The following NRG2 variants were observed in gnomAD, a reference collection of about 807,000 sequenced individuals.
NRG2 encodes the protein pro-neuregulin-2, membrane-bound isoform.
In NRG2, 27 loss-of-function variants were observed where a neutral mutation model predicts 73.9. The ratio of observed to expected loss-of-function variants is 0.37; its 90% CI spans 0.27 to 0.50. The LOEUF is 0.50. Ranked by LOEUF, NRG2 falls within the 20% of genes least tolerant of loss-of-function variation. The pLI is 0.96. For synonymous variants in NRG2, 532 were observed against 541.0 expected (o/e 0.98, Z 0.23); for missense variants, 1,126 against 1,210.1 (o/e 0.93, Z 1.03).
rs1754435727 is a variant in NRG2 at position 139,954,075 on chromosome 5, GAA to G, written c.701-66566_701-66565del. On this transcript the variant is annotated intron_variant, in intron 1 of 9. Transcript: ENST00000361474. The surrounding 1 kb of genome is among the most constrained non-coding windows in gnomAD (Gnocchi z 5.0). ...CAGGGTGTGGGGGTGGCTGGAAGCT[GAA>G]AAAAAGAGACCCAGGGAGGGGTGGG... Among the ~76,000 whole-genome samples, 1 of 152,066 alleles carries G rather than the reference GAA, an allele frequency of 6.6e-6. No homozygotes were observed. Among genetic ancestry groups the G allele is most frequent in the African/African-American group, 2.4e-5 (1 of 41,504 alleles).
At chr5:139,944,164 T>TA (rs34819431) in intron 1 of NRG2, among the ~76,000 whole-genome samples, 26 of 150,018 alleles carry the variant, frequency 1.7e-4, no homozygotes, top group African/African-American at 5.1e-4. Context: ...ATACGATCTT[T>TA]AAAAAAAAAA....
chr5:140,033,222 A>C (rs1761277214), intron 1 of NRG2, among the ~76,000 whole-genome samples: 1 of 152,166 alleles, frequency 6.6e-6, no homozygotes, highest in African/African-American at 2.4e-5. Flanking sequence ...GAAACCCCCA[A>C]ATCAAAGCAG....
intron 1 of NRG2, among the ~76,000 whole-genome samples, chr5:139,900,212 A>G (rs945663119): frequency 1.2e-4 from 18 of 152,246 alleles, no homozygotes; most frequent in African/African-American, 4.1e-4. Context: ...TTGCACATTT[A>G]TCTCTGGTCT....
intron 3 of NRG2, among the ~76,000 whole-genome samples, chr5:139,873,343 T>G (rs1762978527): frequency 6.6e-6 from 1 of 152,174 alleles, no homozygotes; most frequent in Admixed American, 6.5e-5. Context: ...GCCCCACTTC[T>G]GGGTCAGTGA....
chr5:140,015,385 C>T (rs1226338446), intron 1 of NRG2, among the ~76,000 whole-genome samples: 1 of 152,060 alleles, frequency 6.6e-6, no homozygotes, highest in Non-Finnish European at 1.5e-5. Flanking sequence ...TAGATGCCTA[C>T]AAAATATCTT....
chr5:139,905,321 C>G (rs1311027507), intron 1 of NRG2, among the ~76,000 whole-genome samples: 2 of 152,224 alleles, frequency 1.3e-5, no homozygotes, highest in South Asian at 2.1e-4. Context: ...AGCAAAGGCT[C>G]TCCCTCTTCT....
intron 1 of NRG2, among the ~76,000 whole-genome samples, chr5:140,000,422 T>A (rs916843914): frequency 6.6e-6 from 1 of 152,180 alleles, no homozygotes; most frequent in African/African-American, 2.4e-5. Flanking sequence ...CTCTAGCCAC[T>A]CCAAGGACTT....
chr5:139,944,708 T>C (rs1056380873), intron 1 of NRG2, among the ~76,000 whole-genome samples: 1 of 152,220 alleles, frequency 6.6e-6, no homozygotes, highest in Non-Finnish European at 1.5e-5. Context: ...TGAACAGTGC[T>C]GTAATCAGCA....
At chr5:139,927,970 T>G (rs1752189930) in intron 1 of NRG2, among the ~76,000 whole-genome samples, 1 of 151,878 alleles carries the variant, frequency 6.6e-6, no homozygotes, top group Non-Finnish European at 1.5e-5. Context: ...CAGAGATGGG[T>G]GCTAGGCCCT....
At chr5:139,956,002 G>A (rs1754595614) in intron 1 of NRG2, among the ~76,000 whole-genome samples, 2 of 152,200 alleles carry the variant, frequency 1.3e-5, no homozygotes, top group Admixed American at 6.5e-5. Flanking sequence ...CTGCAAAGGT[G>A]AGCTCTCTCC....
chr5:139,984,010 A>G lies in NRG2; in HGVS notation c.700+58360T>C, dbSNP rs576974959. The stretch of plus-strand genomic sequence containing the variant: ...CATTCACAGAAATGTCTCAACTGCA[A>G]TGGGCATGCAAGAATTTACATTAAT... On this transcript the variant is annotated intron_variant, in intron 1 of 9. Coordinates refer to ENST00000361474, the MANE Select transcript of NRG2 (RefSeq NM_004883.3). Among the ~76,000 whole-genome samples, 72 of 152,342 alleles carry G rather than the reference A, an allele frequency of 4.7e-4. 1 individual carries two copies. The highest frequency in any genetic ancestry group is 5.0e-4 in the Non-Finnish European group (34 of 68,026).
chr5:140,004,141 C>T (rs1359929454), intron 1 of NRG2, among the ~76,000 whole-genome samples: 2 of 152,168 alleles, frequency 1.3e-5, no homozygotes, highest in Non-Finnish European at 2.9e-5. Context: ...GAAACTAATA[C>T]ACACAAGTAT....
chr5:139,926,976 C>G (rs145101060), intron 1 of NRG2, among the ~76,000 whole-genome samples: 17 of 152,212 alleles, frequency 1.1e-4, no homozygotes, highest in Admixed American at 9.8e-4. Context: ...TCCAACCAGA[C>G]CTTCTGCCAG....
At chr5:139,850,958 G>A (rs1463289216) in intron 9 of NRG2, among the ~76,000 whole-genome samples, 4 of 150,982 alleles carry the variant, frequency 2.6e-5, no homozygotes, top group African/African-American at 9.7e-5. Flanking sequence ...ATGTATCCTG[G>A]TTTGTCCAGA....
chr5:139,917,033 A>G (rs996275317), intron 1 of NRG2, among the ~76,000 whole-genome samples: 2 of 152,236 alleles, frequency 1.3e-5, no homozygotes, highest in African/African-American at 4.8e-5. Context: ...CATTCCCACC[A>G]GCAGTGTATG....
chr5:140,042,946 C>T lies in NRG2; in HGVS notation c.124G>A (p.Glu42Lys), dbSNP rs1762067263. 2.6e-6 allele frequency: 4 copies of T among 1,532,792 alleles called. No individual in the cohort carries two copies. Among genetic ancestry groups the T allele is most frequent in the Non-Finnish European group, 2.6e-6 (3 of 1,138,922 alleles). 94.9% of individuals were successfully genotyped at this position (1,532,792 alleles called of 1,614,324 possible). A position where few individuals can be genotyped will look rare whatever the true frequency, so the allele number is the denominator to read the frequency against. ...RSSSSSSSSS[E>K]SGSSSRSSSN... is the part of the protein sequence containing the mutation. ...CTGCTCCTGCTGCTGCTGCCGCTCT[C>T]GCTGCTGCTGCTGCTGCTGCTGCTG... The change falls in exon 1 of 10, where the codon GAG (glutamate) becomes AAG (lysine). Residue 42 changes from glutamate to lysine, a missense_variant. Physicochemically the swap from Glu to Lys is moderately conservative, Grantham distance 56 (BLOSUM62 1). Coordinates refer to ENST00000361474, the MANE Select transcript of NRG2 (RefSeq NM_004883.3).
chr5:139,906,011 T>A (rs1421215367), intron 1 of NRG2, among the ~76,000 whole-genome samples: 1 of 152,104 alleles, frequency 6.6e-6, no homozygotes, highest in African/African-American at 2.4e-5. Flanking sequence ...GCTTTCTTTC[T>A]TTCTTTCTTT....
At chr5:139,855,827 T>C (rs1761773184) in intron 5 of NRG2, 49 bp from the exon 6 acceptor site, 1 of 1,438,184 alleles carries the variant, frequency 7.0e-7, no homozygotes, top group Non-Finnish European at 9.8e-7. Context: ...GCAAACCCCA[T>C]AGGGATAGTG....
intron 1 of NRG2, among the ~76,000 whole-genome samples, chr5:139,974,606 G>GT (rs201538810): frequency 1.3e-5 from 2 of 151,980 alleles, no homozygotes; most frequent in South Asian, 4.2e-4. Flanking sequence ...TTTACCAATA[G>GT]TTTTTTTTCT....
Sources: allele counts gnomAD v4.1 joint callset (sites outside exome capture counted in the v4.1 genomes callset), GRCh38; gene constraint gnomAD v4.1.1; non-coding constraint Gnocchi (gnomAD v3.1); transcripts MANE v1.5; gene names NCBI Gene and HGNC (gene_info 2026-07-23, HGNC 2026-07-21).